The following ESRRG variants were observed in gnomAD, a reference collection of about 807,000 sequenced individuals.
The protein encoded by ESRRG is estrogen-related receptor gamma.
In ESRRG, 13 loss-of-function variants were observed where a neutral mutation model predicts 44.0. The observed-to-expected ratio is 0.30, with a 90% confidence interval of 0.19 to 0.47. ESRRG has a LOEUF of 0.47. Ranked by LOEUF, ESRRG falls within the 20% of genes least tolerant of loss-of-function variation. ESRRG has a pLI of 1.00. For missense variants in ESRRG, 395 were observed against 580.6 expected (o/e 0.68, Z 3.29); for synonymous variants, 215 against 214.6 (o/e 1.00, Z -0.02).
At chr1:217,027,385 C>T (rs184457640) in intron 1 of ESRRG, among the ~76,000 whole-genome samples, 9 of 152,260 alleles carry the variant, frequency 5.9e-5, no homozygotes, top group Non-Finnish European at 1.2e-4. Context: ...CCTAGTTCTT[C>T]GTTACATGCA....
At chr1:216,728,137 A>C (rs1204056287), upstream of ESRRG, among the ~76,000 whole-genome samples, 1 of 152,192 alleles carries the variant, frequency 6.6e-6, no homozygotes, top group Non-Finnish European at 1.5e-5. Context: ...GTATCCTACA[A>C]GCTTTCTATA....
chr1:216,927,587 G>C (rs1186300524), intron 2 of ESRRG, among the ~76,000 whole-genome samples: 1 of 152,202 alleles, frequency 6.6e-6, no homozygotes, highest in African/African-American at 2.4e-5. Context: ...ACAATCTTAG[G>C]GCCAGCCATA....
intron 1 of ESRRG, among the ~76,000 whole-genome samples, chr1:216,998,659 A>G (rs1274294262): frequency 6.6e-6 from 1 of 152,262 alleles, no homozygotes; most frequent in East Asian, 1.9e-4. Context: ...AGCAATGTGC[A>G]TATATGAGGA....
At chr1:216,991,117 T>C (rs1415170607) in intron 1 of ESRRG, among the ~76,000 whole-genome samples, 2 of 152,094 alleles carry the variant, frequency 1.3e-5, no homozygotes, top group East Asian at 1.9e-4. Context: ...GCAAGGGATC[T>C]AGTTTGCGTG....
rs114390350 is a variant in ESRRG, at chr1:217,124,423, A to G, written c.-230+13244T>C. Among the ~76,000 whole-genome samples the G allele has an allele frequency of 6.2e-3, 942 of 152,326 alleles. 10 individuals carry two copies. The highest frequency in any genetic ancestry group is 0.022 in the African/African-American group (902 of 41,566). The stretch of plus-strand genomic sequence containing the variant: ...TGTGTGGCAAGACCTGCTCATGAAT[A>G]AAGCATGTACTTAACGAACAATAAA... On this transcript the variant is annotated intron_variant, in intron 1 of 8. Transcript: ENST00000366940.
chr1:217,077,338 G>A (rs1377374975), intron 1 of ESRRG, among the ~76,000 whole-genome samples: 8 of 152,164 alleles, frequency 5.3e-5, no homozygotes, highest in Non-Finnish European at 8.8e-5. Flanking sequence ...AAGGGGGCAT[G>A]GGCTTTTATT....
In ESRRG at chr1:216,677,064, TC is replaced by T; in HGVS notation, c.472+11del. On this transcript the variant is annotated intron_variant, in intron 2 of 6. Coordinates refer to ENST00000408911, the MANE Select transcript of ESRRG (RefSeq NM_001438.4). ...TGGAAGTGGGGAGAGTATTCCCAGG[TC>T]CGACACTAACCTTGAATTGTCCTCT... The T allele has an allele frequency of 6.2e-7, 1 of 1,607,446 alleles. No individual in the cohort carries two copies. Among genetic ancestry groups the T allele is most frequent in the Admixed American group, 1.7e-5 (1 of 59,898 alleles).
chr1:216,712,147 C>T (rs1439138720), intron 1 of ESRRG, among the ~76,000 whole-genome samples: 1 of 152,138 alleles, frequency 6.6e-6, no homozygotes, highest in Non-Finnish European at 1.5e-5. Context: ...CTATTAAAGT[C>T]TTGGGTACAT....
chr1:216,968,978 T>C (rs891168879), intron 1 of ESRRG, among the ~76,000 whole-genome samples: 1 of 152,192 alleles, frequency 6.6e-6, no homozygotes, highest in Non-Finnish European at 1.5e-5. Context: ...CTAATGTAAA[T>C]AGTTTACTAC....
chr1:216,689,502 A>T (rs1465127967), intron 1 of ESRRG, among the ~76,000 whole-genome samples: 1 of 152,178 alleles, frequency 6.6e-6, no homozygotes, highest in East Asian at 1.9e-4. Flanking sequence ...TATAGAGAAG[A>T]CTTTAACATG....
At chr1:216,510,859 G>A (rs2042525823) in intron 6 of ESRRG, among the ~76,000 whole-genome samples, 1 of 152,104 alleles carries the variant, frequency 6.6e-6, no homozygotes, top group African/African-American at 2.4e-5. Flanking sequence ...GGGCGACAGA[G>A]CCAGACTCCG....
At chr1:216,565,368 A>G (rs565845985) in intron 4 of ESRRG, among the ~76,000 whole-genome samples, 54 of 152,294 alleles carry the variant, frequency 3.5e-4, no homozygotes, top group Non-Finnish European at 7.2e-4. Context: ...GGTGAGAATA[A>G]ACCCACATAT....
intron 2 of ESRRG, among the ~76,000 whole-genome samples, chr1:216,894,672 G>C (rs577727883): frequency 4.6e-5 from 7 of 152,196 alleles, no homozygotes; most frequent in South Asian, 2.1e-4. Flanking sequence ...AGGCAGTATG[G>C]GGAGGGAGGA....
chr1:216,658,586 C>T (rs1438392811), intron 2 of ESRRG, among the ~76,000 whole-genome samples: 4 of 150,780 alleles, frequency 2.7e-5, no homozygotes, highest in Non-Finnish European at 4.4e-5. Flanking sequence ...TTTGGAAGGC[C>T]GAGGCAGGTG....
chr1:217,012,206 C>T (rs1199515105), intron 1 of ESRRG, among the ~76,000 whole-genome samples: 2 of 152,168 alleles, frequency 1.3e-5, no homozygotes, highest in Admixed American at 6.6e-5. Flanking sequence ...CCATTAAAGG[C>T]TTTTGGCCCG....
At chr1:217,022,923 A>C (rs1013994385) in intron 1 of ESRRG, among the ~76,000 whole-genome samples, 5 of 152,194 alleles carry the variant, frequency 3.3e-5, no homozygotes, top group African/African-American at 4.8e-5. Context: ...CTAACAATCC[A>C]GTGGGACCTA....
At chr1:216,999,941 C>T (rs2076817167) in intron 1 of ESRRG, among the ~76,000 whole-genome samples, 1 of 152,184 alleles carries the variant, frequency 6.6e-6, no homozygotes, top group Admixed American at 6.5e-5. Context: ...TGTTCCAATT[C>T]TCAAACAGTA....
chr1:216,574,511 C>T (rs1016613573), intron 3 of ESRRG, among the ~76,000 whole-genome samples: 1 of 152,098 alleles, frequency 6.6e-6, no homozygotes, highest in African/African-American at 2.4e-5. Context: ...TCTTTAATAG[C>T]ACAAAGTCAG....
intron 5 of ESRRG, among the ~76,000 whole-genome samples, chr1:216,552,909 C>T (rs2149404415): frequency 6.6e-6 from 1 of 152,202 alleles, no homozygotes; most frequent in East Asian, 1.9e-4. Flanking sequence ...TTTAGAATAA[C>T]AGCAATTCAC....
Sources: gnomAD v4.1 joint callset for allele counts (sites outside exome capture counted in the v4.1 genomes callset) on GRCh38, gnomAD v4.1.1 for gene constraint, MANE v1.5 for transcripts, NCBI Gene and HGNC (gene_info 2026-07-23, HGNC 2026-07-21) for gene names.